The following CFAP47 variants were observed in gnomAD, a reference collection of about 807,000 sequenced individuals.
The protein encoded by CFAP47 is cilia and flagella associated protein 47, also known as cilia- and flagella-associated protein 47.
Under a neutral mutation model 148.1 loss-of-function variants are expected in CFAP47, and 29 were observed. The ratio of observed to expected loss-of-function variants is 0.20; its 90% CI spans 0.15 to 0.27. The LOEUF (loss-of-function observed/expected upper bound fraction) is 0.27, where lower values mean the gene tolerates loss of function less well. Ranked by LOEUF, CFAP47 falls within the 10% of genes least tolerant of loss-of-function variation. The probability of loss-of-function intolerance (pLI) is 1.00; values close to 1 mark genes in which losing one functional copy is unlikely to be tolerated. For synonymous variants in CFAP47, 664 were observed against 577.3 expected (o/e 1.15, Z -2.15); for missense variants, 1,872 against 1,697.5 (o/e 1.10, Z -1.81).
Position 36,158,894 on chromosome X carries a change from C to T in CFAP47, c.5787-532C>T, listed in dbSNP as rs943158865. On this transcript the variant is annotated intron_variant, in intron 37 of 63. Transcript: ENST00000378653. ...GGAATCTCCAAATCCATAGCCTCTT[C>T]ACCATTATACTATGTCTTAGACTGC... 3.6e-5 allele frequency among the ~76,000 whole-genome samples: 4 copies of T among 111,465 alleles called. No homozygotes were observed. The Admixed American group carries it at 3.8e-4, about 11-fold the overall frequency.
intron 51 of CFAP47, among the ~76,000 whole-genome samples, chrX:36,288,751 GA>G (rs1941159855): frequency 9.0e-6 from 1 of 111,193 alleles, no homozygotes; most frequent in Non-Finnish European, 1.9e-5. Context: ...ACACAAGTGA[GA>G]CCAGGTGCGG....
At chrX:35,924,301 A>G (rs190226949) in intron 1 of CFAP47, among the ~76,000 whole-genome samples, 2,127 of 105,649 alleles carry the variant, frequency 0.02, 107 homozygotes, top group African/African-American at 0.039. Flanking sequence ...ATGTGTACAC[A>G]TATGTATATA....
At chrX:36,251,838 T>C (rs1375569757) in intron 49 of CFAP47, among the ~76,000 whole-genome samples, 1 of 112,018 alleles carries the variant, frequency 8.9e-6, no homozygotes, top group Non-Finnish European at 1.9e-5. Flanking sequence ...TTACTTGATA[T>C]ATGAAAAATA....
chrX:36,285,833 T>C (rs1408179109), intron 51 of CFAP47, 107 bp downstream of exon 51: 3 of 567,075 alleles, frequency 5.3e-6, no homozygotes, highest in South Asian at 3.6e-5. Context: ...TATCAGATGA[T>C]TGTATTAAGA....
chrX:35,983,923 C>CT (rs1169245434), intron 15 of CFAP47, among the ~76,000 whole-genome samples: 1 of 111,503 alleles, frequency 9.0e-6, no homozygotes, highest in Non-Finnish European at 1.9e-5. Context: ...CTGAAGTTTT[C>CT]TTTTTTGTTG....
chrX:36,256,881 C>T (rs782555233), intron 49 of CFAP47, among the ~76,000 whole-genome samples: 2 of 111,831 alleles, frequency 1.8e-5, no homozygotes, highest in Non-Finnish European at 3.8e-5. Flanking sequence ...ATGTCATCTC[C>T]AATGATGACC....
intron 30 of CFAP47, among the ~76,000 whole-genome samples, chrX:36,090,967 TA>T (rs909638269): frequency 4.8e-4 from 53 of 111,345 alleles, no homozygotes; most frequent in Non-Finnish European, 9.1e-4. Flanking sequence ...AATATTCAAA[TA>T]AAAAAACTAC....
intron 62 of CFAP47, among the ~76,000 whole-genome samples, chrX:36,376,476 G>A (rs1942024310): frequency 9.0e-6 from 1 of 110,937 alleles, no homozygotes; most frequent in South Asian, 3.9e-4. Flanking sequence ...TCAGAACATT[G>A]GATGTCTGGT....
rs146905733 is a variant in CFAP47 at position 36,327,996 on chromosome X, A to T, written c.8443+8689A>T. 7.4e-4 allele frequency among the ~76,000 whole-genome samples: 83 copies of T among 111,724 alleles called. No homozygotes were observed. In the East Asian group the frequency reaches 0.022, roughly 30 times the overall value. On this transcript the variant is annotated intron_variant, in intron 57 of 63. Coordinates refer to ENST00000378653, the MANE Select transcript of CFAP47 (RefSeq NM_001304548.2). ...TGAGTTGAAAAACGACTCATTGAGTACTATGCTCACTACGTGCATGATGGG... is the reference window on the plus strand; with the variant it reads ...TGAGTTGAAAAACGACTCATTGAGTTCTATGCTCACTACGTGCATGATGGG...
rs1354851697 is a variant in CFAP47, at chrX:35,956,045, A to G, written c.1259A>G (p.Asn420Ser). ...LLQFDPGPVLNFKPCFMGERS... is the reference protein window; with the variant it reads ...LLQFDPGPVLSFKPCFMGERS... ...CAGTTTGATCCAGGACCAGTTCTTA[A>G]TTTTAAACCTTGTTTCATGGGTGAA... is the stretch of plus-strand genomic sequence containing the variant. Residue 420 changes from asparagine (N) to serine (S), a missense_variant, in exon 8 of 64, where the codon AAT (asparagine) becomes AGT (serine). Physicochemically the swap from Asn to Ser is conservative, Grantham distance 46. Coordinates refer to ENST00000378653, the MANE Select transcript of CFAP47 (RefSeq NM_001304548.2). 1.7e-6 allele frequency: 2 copies of G among 1,210,314 alleles called. No individual in the cohort carries two copies. The highest frequency in any genetic ancestry group is 2.2e-6 in the Non-Finnish European group (2 of 895,272).
intron 3 of CFAP47, among the ~76,000 whole-genome samples, chrX:35,945,979 T>G (rs1238214250): frequency 9.3e-6 from 1 of 107,364 alleles, no homozygotes; most frequent in Non-Finnish European, 1.9e-5. Context: ...CTCAACCGAT[T>G]TTCCTGCTTC....
intron 51 of CFAP47, among the ~76,000 whole-genome samples, chrX:36,286,353 T>A (rs1556004553): frequency 9.0e-6 from 1 of 110,745 alleles, no homozygotes; most frequent in East Asian, 2.8e-4. Context: ...ATTTTTATTT[T>A]TAAATATGTG....
chrX:36,372,627 G>A (rs1909406499), intron 62 of CFAP47, among the ~76,000 whole-genome samples: 2 of 111,352 alleles, frequency 1.8e-5, no homozygotes, highest in African/African-American at 6.5e-5. Flanking sequence ...AATAATGAAG[G>A]CACCTGCAAC....
chrX:36,030,660 A>T (rs1189888654), intron 22 of CFAP47, among the ~76,000 whole-genome samples: 1 of 110,655 alleles, frequency 9.0e-6, no homozygotes, highest in Non-Finnish European at 1.9e-5. Context: ...AAAGCTGGTG[A>T]TACCCTTTAG....
intron 15 of CFAP47, among the ~76,000 whole-genome samples, chrX:35,987,064 C>T (rs1305944576): frequency 9.0e-6 from 1 of 111,718 alleles, no homozygotes; most frequent in African/African-American, 3.3e-5. Flanking sequence ...AGGTGTCTTC[C>T]AGTCAGCAGG....
chrX:36,104,262 A>G (rs1195569255), intron 32 of CFAP47, among the ~76,000 whole-genome samples: 1 of 111,859 alleles, frequency 8.9e-6, no homozygotes, highest in African/African-American at 3.2e-5. Context: ...GCCTCTTGTA[A>G]ATTATACAGT....
chrX:36,050,645 T>C (rs1937515762), intron 26 of CFAP47, among the ~76,000 whole-genome samples: 1 of 111,867 alleles, frequency 8.9e-6, no homozygotes, highest in South Asian at 3.8e-4. Flanking sequence ...GATACTGCAG[T>C]AGAATAGAAA....
intron 26 of CFAP47, among the ~76,000 whole-genome samples, chrX:36,062,257 G>A (rs1390716237): frequency 9.0e-6 from 1 of 111,543 alleles, no homozygotes. Context: ...ATGTTGACAT[G>A]TGTTTGACAT....
At chrX:36,223,289 G>A (rs1269259545) in intron 45 of CFAP47, among the ~76,000 whole-genome samples, 1 of 110,591 alleles carries the variant, frequency 9.0e-6, no homozygotes, top group Non-Finnish European at 1.9e-5. Flanking sequence ...GAGCAGGTAA[G>A]TTAGTCTTTT....
Sources: gnomAD v4.1 joint callset for allele counts (sites outside exome capture counted in the v4.1 genomes callset) on GRCh38, gnomAD v4.1.1 for gene constraint, MANE v1.5 for transcripts, NCBI Gene and HGNC (gene_info 2026-07-23, HGNC 2026-07-21) for gene names.